The following PCDHGA12 variants were observed in gnomAD, a reference collection of about 807,000 sequenced individuals.
The protein encoded by PCDHGA12 is protocadherin gamma-A12.
In PCDHGA12, 43 loss-of-function variants were observed where a neutral mutation model predicts 61.1. The ratio of observed to expected loss-of-function variants is 0.70; its 90% confidence interval spans 0.55 to 0.91. PCDHGA12 has a LOEUF of 0.91. Among genes scored for constraint, PCDHGA12 ranks in the 40% least tolerant of loss-of-function variants. The pLI is 0.00. For synonymous variants in PCDHGA12, 520 were observed against 542.9 expected, an observed-to-expected ratio of 0.96 and a Z score of 0.59; for missense variants, 1,236 against 1,227.7, an observed-to-expected ratio of 1.01 and a Z score of -0.10.
At position 141,431,783 on chromosome 5, in the gene PCDHGA12, G is replaced by T; in HGVS notation, c.1024G>T (p.Asp342Tyr). 2 of 1,614,174 alleles carry T rather than the reference G, an allele frequency of 1.2e-6. No homozygotes were observed. Among genetic ancestry groups the T allele is most frequent in the East Asian group, 2.2e-5 (1 of 44,878 alleles). Residue 342 changes from aspartate (D) to tyrosine (Y), a missense_variant, in exon 1 of 4, where the codon GAC becomes TAC. Transcript: ENST00000252085. The surrounding 1 kb of genome is among the most constrained non-coding windows in gnomAD (Gnocchi z 4.8). ...KVLITVLDVN[D>Y]NAPEVVLTSL... Reference sequence around the variant, plus strand: ...CCTGATCACTGTTCTGGACGTGAACGACAATGCCCCAGAAGTGGTCCTCAC... The same window carrying T: ...CCTGATCACTGTTCTGGACGTGAACTACAATGCCCCAGAAGTGGTCCTCAC...
chr5:141,476,029 A>G lies in PCDHGA12; in HGVS notation c.2425-18778A>G, dbSNP rs975943706. The G allele has an allele frequency of 2.3e-5, 34 of 1,455,312 alleles. No homozygotes were observed. The highest frequency in any genetic ancestry group is 1.1e-4 in the African/African-American group (8 of 70,728). 90.1% of individuals were successfully genotyped at this position (1,455,312 alleles called of 1,614,324 possible). A position where few individuals can be genotyped will look rare whatever the true frequency, so the allele number is the denominator to read the frequency against. On this transcript the variant is annotated intron_variant, in intron 1 of 3. Transcript: ENST00000252085. The surrounding 1 kb of genome is among the most constrained non-coding windows in gnomAD (Gnocchi z 7.6). The stretch of plus-strand genomic sequence containing the variant: ...GAAAGCCATGTCGGACTCGGCGCCC[A>G]GCGCCCAAGCGCTAACCCGCTGAAA...
Position 141,487,265 on chromosome 5 carries a change from G to C in PCDHGA12, c.2425-7542G>C, listed in dbSNP as rs144347539. 6,978 of 1,614,152 alleles carry C rather than the reference G, an allele frequency of 4.3e-3. 28 individuals carry two copies. Among genetic ancestry groups the C allele is most frequent in the Non-Finnish European group, 4.9e-3 (5,770 of 1,180,028 alleles). ...AACCCTCTACTTGGCTGTGTCCCTA[G>C]TGGCAATTTGCTTTGTCTCCTTTGG... On this transcript the variant is annotated intron_variant, in intron 1 of 3. Coordinates refer to ENST00000252085, the MANE Select transcript of PCDHGA12 (RefSeq NM_003735.3). This position sits in a 1 kb window ranked among gnomAD's most constrained non-coding sequence, Gnocchi z 5.0.
At chr5:141,481,813 G>C (rs185558948) in intron 1 of PCDHGA12, among the ~76,000 whole-genome samples, 1 of 151,824 alleles carries the variant, frequency 6.6e-6, no homozygotes, top group African/African-American at 2.4e-5. Flanking sequence ...TTCACCAGGC[G>C]TGGTGGCTGA....
Position 141,491,456 on chromosome 5 carries a change from C to A in PCDHGA12, c.2425-3351C>A. ...TGCAGGCGCCAGGACTCACCCTCCC[C>A]GGACTTCTATAAGCAGTCCAGCCCC... On this transcript the variant is annotated intron_variant, in intron 1 of 3. Coordinates refer to ENST00000252085, the MANE Select transcript of PCDHGA12 (RefSeq NM_003735.3). The surrounding 1 kb of genome is among the most constrained non-coding windows in gnomAD (Gnocchi z 6.9). 1.2e-6 allele frequency: 2 copies of A among 1,614,104 alleles called. No homozygotes were observed.
Position 141,486,786 on chromosome 5 carries a change from G to A in PCDHGA12, c.2425-8021G>A, listed in dbSNP as rs1360545946. The A allele has an allele frequency of 1.9e-6, 3 of 1,614,090 alleles. No individual in the cohort carries two copies. The highest frequency in any genetic ancestry group is 2.2e-5 in the East Asian group (1 of 44,892). ...ACACTGCAGTTTGAGGTGCAGGCCC[G>A]GGATCGGGGCAACCCACCCCTTAGC... is the stretch of plus-strand genomic sequence containing the variant. On this transcript the variant is annotated intron_variant, in intron 1 of 3. Coordinates refer to ENST00000252085, the MANE Select transcript of PCDHGA12 (RefSeq NM_003735.3). This position sits in a 1 kb window ranked among gnomAD's most constrained non-coding sequence, Gnocchi z 5.0.
intron 1 of PCDHGA12, among the ~76,000 whole-genome samples, chr5:141,464,162 G>A (rs1030872607): frequency 6.6e-6 from 1 of 151,946 alleles, no homozygotes; most frequent in African/African-American, 2.4e-5. Context: ...CTACTTGGAA[G>A]GCTGAGGCAG....
At chr5:141,502,660 A>T (rs1423714257) in intron 2 of PCDHGA12, among the ~76,000 whole-genome samples, 2 of 152,208 alleles carry the variant, frequency 1.3e-5, no homozygotes, top group African/African-American at 4.8e-5. Flanking sequence ...GCAACCCTTC[A>T]TGCAATTTTA....
Position 141,430,737 on chromosome 5 carries a change from A to G in PCDHGA12, c.-23A>G. ...TTCAGTGGTTAAGGGCAGAATTGAA[A>G]ATAATTCTGGAGGAAGATAAGAATG... On this transcript the variant is annotated 5_prime_UTR_variant, in exon 1 of 4. Coordinates refer to ENST00000252085, the MANE Select transcript of PCDHGA12 (RefSeq NM_003735.3). 1 of 1,498,286 alleles carries G rather than the reference A, an allele frequency of 6.7e-7. No homozygotes were observed. The highest frequency in any genetic ancestry group is 1.4e-5 in the South Asian group (1 of 70,226). 92.8% of individuals were successfully genotyped at this position (1,498,286 alleles called of 1,614,324 possible).
intron 2 of PCDHGA12, 34 bp from the exon 3 acceptor site, chr5:141,505,359 G>T: frequency 1.9e-6 from 3 of 1,613,870 alleles, no homozygotes; most frequent in Non-Finnish European, 2.5e-6. Context: ...TGCCGGCCTG[G>T]GAGTCTGTGC....
intron 2 of PCDHGA12, among the ~76,000 whole-genome samples, chr5:141,504,341 CTTTGTGCTAGGT>C (rs963088433): frequency 3.9e-5 from 6 of 152,020 alleles, no homozygotes; most frequent in African/African-American, 1.4e-4. Flanking sequence ...AAGTGCTAGG[CTTTGTGCTAGGT>C]GCTTCAGTAG....
intron 1 of PCDHGA12, chr5:141,478,018 C>G: frequency 6.2e-7 from 1 of 1,614,124 alleles, no homozygotes; most frequent in Non-Finnish European, 8.5e-7. Flanking sequence ...CCCGTCCAGT[C>G]CAAGACACAG....
Position 141,476,464 on chromosome 5 carries a change from G to A in PCDHGA12, c.2425-18343G>A, listed in dbSNP as rs745664477. On this transcript the variant is annotated intron_variant, in intron 1 of 3. Transcript: ENST00000252085. This position sits in a 1 kb window ranked among gnomAD's most constrained non-coding sequence, Gnocchi z 7.6. ...TGGAGTTGGTAGTGGAGAACCCGCT[G>A]GAGCTGTTCAGCGTGGAAGTGGTGA... 3 of 1,614,140 alleles carry A rather than the reference G, an allele frequency of 1.9e-6. No homozygotes were observed. Among genetic ancestry groups the A allele is most frequent in the Non-Finnish European group, 2.5e-6 (3 of 1,180,014 alleles).
intron 1 of PCDHGA12, among the ~76,000 whole-genome samples, chr5:141,465,360 C>T (rs1238387777): frequency 6.6e-6 from 1 of 151,940 alleles, no homozygotes; most frequent in Non-Finnish European, 1.5e-5. Context: ...AAAATGGGTG[C>T]CCTTTAAAGT....
At chr5:141,499,698 T>C (rs1312388510) in intron 2 of PCDHGA12, among the ~76,000 whole-genome samples, 2 of 149,810 alleles carry the variant, frequency 1.3e-5, no homozygotes, top group African/African-American at 2.5e-5. Context: ...ACTTTTTTTT[T>C]TTTTTTTTTT....
chr5:141,441,725 C>A, intron 1 of PCDHGA12: 1 of 352,450 alleles, frequency 2.8e-6, no homozygotes. Flanking sequence ...AGGCCCGCGA[C>A]CAGGACTAGC....
Position 141,486,639 on chromosome 5 carries a change from T to G in PCDHGA12, c.2425-8168T>G, listed in dbSNP as rs1250700423. ...GACCCAGACTCTGGCTTGAATGCGC[T>G]TATCTCCTACTCACTCCTGGAGCCC... On this transcript the variant is annotated intron_variant, in intron 1 of 3. Transcript: ENST00000252085. The surrounding 1 kb of genome is among the most constrained non-coding windows in gnomAD (Gnocchi z 5.0). The G allele has an allele frequency of 6.2e-7, 1 of 1,613,818 alleles. No individual in the cohort carries two copies. The highest frequency in any genetic ancestry group is 1.1e-5 in the South Asian group (1 of 91,084).
rs764579211 is a variant in PCDHGA12 at position 141,489,393 on chromosome 5, T to C, written c.2425-5414T>C. 1.9e-5 allele frequency: 30 copies of C among 1,614,098 alleles called. No individual in the cohort carries two copies. In the South Asian group the frequency reaches 3.3e-4, roughly 18 times the overall value. On this transcript the variant is annotated intron_variant, in intron 1 of 3. Coordinates refer to ENST00000252085, the MANE Select transcript of PCDHGA12 (RefSeq NM_003735.3). The surrounding 1 kb of genome is among the most constrained non-coding windows in gnomAD (Gnocchi z 4.5). ...CGCTGGTGGGGAATGTTGCTCAGGA[T>C]CTGGGCTTAAAGATGACAGATCTGT...
At position 141,489,219 on chromosome 5, in the gene PCDHGA12, T is replaced by C; in HGVS notation, c.2425-5588T>C. 1 of 1,502,828 alleles carries C rather than the reference T, an allele frequency of 6.7e-7. No homozygotes were observed. Among genetic ancestry groups the C allele is most frequent in the Non-Finnish European group, 8.9e-7 (1 of 1,117,962 alleles). 93.1% of individuals were successfully genotyped at this position (1,502,828 alleles called of 1,614,324 possible). On this transcript the variant is annotated intron_variant, in intron 1 of 3. Transcript: ENST00000252085. This position sits in a 1 kb window ranked among gnomAD's most constrained non-coding sequence, Gnocchi z 4.5. ...GAGACAGGACAGCACAGACTTACTC[T>C]CCACAAAGGGACTTCTGGGTCATGG...
At chr5:141,446,069 C>T (rs552817495) in intron 1 of PCDHGA12, among the ~76,000 whole-genome samples, 1 of 152,102 alleles carries the variant, frequency 6.6e-6, no homozygotes, top group South Asian at 2.1e-4. Flanking sequence ...AAAGGGGAGG[C>T]AGTGGATGTA....
Sources: allele counts gnomAD v4.1 joint callset (sites outside exome capture counted in the v4.1 genomes callset), GRCh38; gene constraint gnomAD v4.1.1; non-coding constraint Gnocchi (gnomAD v3.1); transcripts MANE v1.5; gene names NCBI Gene and HGNC (gene_info 2026-07-23, HGNC 2026-07-21).